Variants in OSBP2 observed in about 807,000 individuals in gnomAD.
OSBP2 encodes the protein oxysterol-binding protein 2.
In OSBP2, 66 loss-of-function variants were observed where a neutral mutation model predicts 96.0. The observed-to-expected ratio is 0.69, with a 90% CI of 0.56 to 0.84. The LOEUF (loss-of-function observed/expected upper bound fraction) is 0.84. Ranked by LOEUF, OSBP2 falls within the 40% of genes least tolerant of loss-of-function variation. The pLI, the probability that OSBP2 is intolerant of heterozygous loss-of-function variation, is 0.00. For synonymous variants in OSBP2, 525 were observed against 520.9 expected (o/e 1.01, Z -0.11); for missense variants, 1,038 against 1,222.7 (o/e 0.85, Z 2.25).
At position 30,827,213 on chromosome 22, in the gene OSBP2, A is replaced by G. The variant is rs143307862; in HGVS notation, c.854-43216A>G. On this transcript the variant is annotated intron_variant, in intron 2 of 13. Transcript: ENST00000332585. ...AGAAAGGACAGATGGGCAAGAAAGG[A>G]TGTGAAGTGGGGAGTTGTGAGGGCA... is the stretch of plus-strand genomic sequence containing the variant. Among the ~76,000 whole-genome samples, 200 of 152,174 alleles carry G rather than the reference A, an allele frequency of 1.3e-3. 1 individual carries two copies. Among genetic ancestry groups the G allele is most frequent in the African/African-American group, 4.7e-3 (194 of 41,492 alleles).
intron 2 of OSBP2, among the ~76,000 whole-genome samples, chr22:30,842,166 C>T (rs2038766048): frequency 1.3e-5 from 2 of 152,156 alleles, no homozygotes; most frequent in African/African-American, 4.8e-5. Flanking sequence ...AGGCTGGTCT[C>T]GAACTCCTGA....
chr22:30,905,808 C>CACCGCA (rs2147202668), intron 12 of OSBP2, 29 bp from the exon 13 acceptor site: 1 of 1,609,022 alleles, frequency 6.2e-7, no homozygotes, highest in East Asian at 2.2e-5. Flanking sequence ...ACACCGCAGC[C>CACCGCA]ACCGCCACCG....
chr22:30,738,007 C>T (rs1460337862), intron 1 of OSBP2, among the ~76,000 whole-genome samples: 1 of 151,970 alleles, frequency 6.6e-6, no homozygotes, highest in Non-Finnish European at 1.5e-5. Context: ...CCACCGTGCA[C>T]GGCTGAGACT....
intron 4 of OSBP2, 62 bp downstream of exon 4, chr22:30,887,680 A>G (rs1403233985): frequency 4.3e-6 from 6 of 1,384,304 alleles, no homozygotes; most frequent in Non-Finnish European, 4.9e-6. Context: ...CTGCATACAC[A>G]ACTTCTGCGC....
At chr22:30,746,934 C>T (rs1055665465) in intron 2 of OSBP2, among the ~76,000 whole-genome samples, 1 of 152,168 alleles carries the variant, frequency 6.6e-6, no homozygotes, top group Non-Finnish European at 1.5e-5. Flanking sequence ...TACTGGCAAA[C>T]AAAATCCATT....
chr22:30,905,999 G>T lies in OSBP2; in HGVS notation c.2538G>T (p.Glu846Asp). The T allele has an allele frequency of 6.3e-7, 1 of 1,594,964 alleles. No homozygotes were observed. Among genetic ancestry groups the T allele is most frequent in the Non-Finnish European group, 8.5e-7 (1 of 1,171,322 alleles). Residue 846 changes from glutamate to aspartate, a missense_variant, in exon 13 of 14, where the codon GAG (glutamate) becomes GAT (aspartate). Around this residue, in one of 3 missense-constraint regions of OSBP2, gnomAD observed 737 missense variants for 913.3 expected, o/e 0.81. Transcript: ENST00000332585. ...EANTEKQRLEEKQRLSRRRRL... is the reference protein window; with the variant it reads ...EANTEKQRLEDKQRLSRRRRL... ...ATACCGAGAAGCAGCGGCTGGAGGAGAAGCAGCGCCTGTCGCGGCGCCGGC... is the reference window on the plus strand; with the variant it reads ...ATACCGAGAAGCAGCGGCTGGAGGATAAGCAGCGCCTGTCGCGGCGCCGGC...
At chr22:30,858,746 GT>G (rs2039139706) in intron 2 of OSBP2, among the ~76,000 whole-genome samples, 2 of 151,524 alleles carry the variant, frequency 1.3e-5, no homozygotes, top group Admixed American at 1.3e-4. Context: ...AGGTGTGGTG[GT>G]GGATGCTTGT....
At chr22:30,798,413 A>C (rs1365517578) in intron 2 of OSBP2, among the ~76,000 whole-genome samples, 1 of 152,144 alleles carries the variant, frequency 6.6e-6, no homozygotes, top group African/African-American at 2.4e-5. Context: ...TGGAGGCATA[A>C]ATTTTTTAAT....
chr22:30,753,509 A>G (rs2090103311), intron 2 of OSBP2, among the ~76,000 whole-genome samples: 1 of 152,078 alleles, frequency 6.6e-6, no homozygotes, highest in Non-Finnish European at 1.5e-5. Context: ...CCTTCCCTTG[A>G]AGCTGAGGGT....
chr22:30,740,722 C>T (rs1387141131), intron 1 of OSBP2, among the ~76,000 whole-genome samples: 1 of 152,114 alleles, frequency 6.6e-6, no homozygotes, highest in Non-Finnish European at 1.5e-5. Flanking sequence ...AGTGATCTGC[C>T]CTCCTCGGTC....
intron 1 of OSBP2, among the ~76,000 whole-genome samples, chr22:30,731,353 A>G (rs1300722580): frequency 6.6e-6 from 1 of 152,142 alleles, no homozygotes; most frequent in Non-Finnish European, 1.5e-5. Flanking sequence ...CTCAGCAAGC[A>G]TGCTTGCCTG....
chr22:30,893,586 A>AG lies in OSBP2; in HGVS notation c.2094+25dup. On this transcript the variant is annotated intron_variant, in intron 10 of 13. Coordinates refer to ENST00000332585, the MANE Select transcript of OSBP2 (RefSeq NM_030758.4). ...GACCAGGTCAGGGGCGCCCTTGGGG[A>AG]GGGGGTGCATGGCCCGGGGGCTGGC... 6.2e-7 allele frequency: 1 copy of AG among 1,613,124 alleles called. No individual in the cohort carries two copies. The highest frequency in any genetic ancestry group is 8.5e-7 in the Non-Finnish European group (1 of 1,179,104).
intron 2 of OSBP2, among the ~76,000 whole-genome samples, chr22:30,860,255 A>G (rs937601146): frequency 3.9e-5 from 6 of 152,146 alleles, no homozygotes; most frequent in Admixed American, 6.5e-5. Context: ...TTCTGATTGT[A>G]TCTCGGAGCA....
At chr22:30,858,879 CAATAAT>C (rs137975802) in intron 2 of OSBP2, among the ~76,000 whole-genome samples, 54,949 of 141,184 alleles carry the variant, frequency 0.39, 11,203 homozygotes, top group Admixed American at 0.45. Flanking sequence ...GACTCTGTCT[CAATAAT>C]AATAATAATA....
At chr22:30,815,670 T>A (rs908021555) in intron 2 of OSBP2, among the ~76,000 whole-genome samples, 1 of 152,216 alleles carries the variant, frequency 6.6e-6, no homozygotes, top group South Asian at 2.1e-4. Context: ...ATATTAAACA[T>A]GGCTCTTCAT....
intron 2 of OSBP2, among the ~76,000 whole-genome samples, chr22:30,791,129 C>G (rs922117646): frequency 3.3e-5 from 5 of 151,370 alleles, no homozygotes; most frequent in Admixed American, 1.3e-4. Flanking sequence ...GTGCCCACCA[C>G]CATGCCCAGC....
At chr22:30,776,110 CTTTTCT>C (rs1240373169) in intron 2 of OSBP2, among the ~76,000 whole-genome samples, 2 of 86,806 alleles carry the variant, frequency 2.3e-5, no homozygotes, top group Non-Finnish European at 4.7e-5. Context: ...TTTTCTTTTT[CTTTTCT>C]TTTTTTTTTT....
At chr22:30,725,188 A>AC (rs1555908226) in intron 1 of OSBP2, among the ~76,000 whole-genome samples, 17 of 93,008 alleles carry the variant, frequency 1.8e-4, no homozygotes, top group African/African-American at 6.4e-4. Context: ...AAACAAAAAA[A>AC]CAAAAAAACA....
chr22:30,729,365 C>T (rs549391888), intron 1 of OSBP2, among the ~76,000 whole-genome samples: 3 of 152,264 alleles, frequency 2.0e-5, no homozygotes, highest in South Asian at 2.1e-4. Context: ...TGGCTGGGCA[C>T]GGTGGCTCAC....
Sources: gnomAD v4.1 joint callset for allele counts (sites outside exome capture counted in the v4.1 genomes callset) on GRCh38, gnomAD v4.1.1 for gene constraint, gnomAD v4.1.1 regional missense constraint, MANE v1.5 for transcripts, NCBI Gene and HGNC (gene_info 2026-07-23, HGNC 2026-07-21) for gene names.